RLIG1: variants seen among roughly 807,000 people sequenced by gnomAD.
The protein encoded by RLIG1 is RNA 5'-phosphate and 3'-OH ligase 1.
the RLIG1 span, chr12:88,045,745 A>G: frequency 6.2e-7 from 1 of 1,613,116 alleles, no homozygotes; most frequent in Non-Finnish European, 8.5e-7. Context: ...AAACACTGGA[A>G]CTCATAGGAA....
the RLIG1 span, chr12:88,044,227 G>C: frequency 6.3e-6 from 1 of 157,484 alleles, no homozygotes; most frequent in East Asian, 1.9e-4. Flanking sequence ...AACCATGATC[G>C]TGCCACTGCA....
the RLIG1 span, among the ~76,000 whole-genome samples, chr12:88,039,418 A>G: frequency 6.6e-6 from 1 of 152,202 alleles, no homozygotes; most frequent in African/African-American, 2.4e-5. Flanking sequence ...ATTACAATTG[A>G]AAGATACTTG....
chr12:88,045,579 T>C, the RLIG1 span: 1 of 1,604,292 alleles, frequency 6.2e-7, no homozygotes, highest in Non-Finnish European at 8.5e-7. Flanking sequence ...CTTTATATGA[T>C]AGGTTGGGTA....
the RLIG1 span, chr12:88,042,774 A>AC: frequency 1.7e-6 from 2 of 1,192,426 alleles, no homozygotes; most frequent in African/African-American, 3.2e-5. Flanking sequence ...AATGTCTTTC[A>AC]AGATAAGTTT....
chr12:88,037,507 T>C, the RLIG1 span, among the ~76,000 whole-genome samples: 1 of 152,148 alleles, frequency 6.6e-6, no homozygotes, highest in Non-Finnish European at 1.5e-5. Context: ...CAGAGTAATC[T>C]TCCCCCCCAC....
the RLIG1 span, chr12:88,042,703 A>G: frequency 5.4e-6 from 3 of 559,076 alleles, no homozygotes; most frequent in African/African-American, 2.0e-5. Flanking sequence ...CTTAGACTCC[A>G]TATTTCCCTT....
chr12:88,048,346 A>T, the RLIG1 span: 1 of 1,603,054 alleles, frequency 6.2e-7, no homozygotes, highest in Non-Finnish European at 8.5e-7. Flanking sequence ...TTTGATATTA[A>T]GTGTTTGTTT....
At chr12:88,042,925 G>GT in the RLIG1 span, 786 of 1,512,414 alleles carry the variant, frequency 5.2e-4, no homozygotes, top group South Asian at 8.9e-4. Flanking sequence ...CAAAAGGTTA[G>GT]TTTTTTTTTA....
the RLIG1 span, chr12:88,048,916 T>G: frequency 3.9e-6 from 1 of 258,744 alleles, no homozygotes; most frequent in East Asian, 7.7e-5. Flanking sequence ...TACCCTCATA[T>G]TCTTTAAAAA....
the RLIG1 span, among the ~76,000 whole-genome samples, chr12:88,038,429 C>A: frequency 6.6e-6 from 1 of 152,164 alleles, no homozygotes. Context: ...GTAAACAATT[C>A]ATCAGACTAC....
At chr12:88,046,839 C>CT in the RLIG1 span, 1 of 1,612,552 alleles carries the variant, frequency 6.2e-7, no homozygotes, top group Non-Finnish European at 8.5e-7. Context: ...ATTACATCTT[C>CT]TTATACCACA....
At chr12:88,042,594 A>G in the RLIG1 span, 3 of 329,566 alleles carry the variant, frequency 9.1e-6, no homozygotes, top group Non-Finnish European at 1.6e-5. Flanking sequence ...TGTCCTTATA[A>G]AAAAGATCAT....
At chr12:88,035,748 A>G in the RLIG1 span, 1 of 1,584,010 alleles carries the variant, frequency 6.3e-7, no homozygotes, top group Non-Finnish European at 8.6e-7. Context: ...GGTACGGAGG[A>G]GCGCCGGGCA....
chr12:88,042,612 CT>C, the RLIG1 span: 2 of 359,800 alleles, frequency 5.6e-6, no homozygotes, highest in Admixed American at 4.7e-5. Context: ...CATATATTTA[CT>C]TTTTGTCTCA....
chr12:88,039,598 AT>A, the RLIG1 span, among the ~76,000 whole-genome samples: 2 of 152,126 alleles, frequency 1.3e-5, no homozygotes, highest in African/African-American at 2.4e-5. Context: ...TTTGCTTCAA[AT>A]TTGGTTAAAG....
the RLIG1 span, chr12:88,040,021 AT>A: frequency 5.5e-5 from 37 of 678,522 alleles, no homozygotes; most frequent in Middle Eastern, 6.1e-4. Flanking sequence ...TTTTTAAATC[AT>A]TCTGAAAGAT....
chr12:88,036,168 G>T, the RLIG1 span: 1 of 1,059,970 alleles, frequency 9.4e-7, no homozygotes, highest in Non-Finnish European at 1.3e-6. Context: ...GTCCGAACCA[G>T]TGGCGGTGTT....
chr12:88,039,679 T>C, the RLIG1 span, among the ~76,000 whole-genome samples: 1 of 152,174 alleles, frequency 6.6e-6, no homozygotes. Context: ...CTTTACCCAT[T>C]TGTTTTTAGC....
chr12:88,047,031 A>G, the RLIG1 span: 1 of 1,440,924 alleles, frequency 6.9e-7, no homozygotes, highest in East Asian at 2.4e-5. Flanking sequence ...CCTACAATAG[A>G]GTAGAAGTGA....
Sources: allele counts gnomAD v4.1 joint callset (sites outside exome capture counted in the v4.1 genomes callset), GRCh38; gene constraint gnomAD v4.1.1; transcripts MANE v1.5; gene names NCBI Gene and HGNC (gene_info 2026-07-23, HGNC 2026-07-21).